SYNE2: variants seen among roughly 807,000 people sequenced by gnomAD.
The protein encoded by SYNE2 is nesprin-2.
Under a neutral mutation model 856.3 loss-of-function variants are expected in SYNE2, and 431 were observed. The ratio of observed to expected loss-of-function variants is 0.50; its 90% confidence interval spans 0.47 to 0.55. The LOEUF is 0.55. Ranked by LOEUF, SYNE2 falls within the 20% of genes least tolerant of loss-of-function variation. The pLI is 0.00. For synonymous variants in SYNE2, 2,923 were observed against 2,872.3 expected (o/e 1.02, Z -0.56); for missense variants, 8,129 against 8,023.2 (o/e 1.01, Z -0.50).
chr14:63,814,701 C>CAT (rs1409876026), intron 1 of SYNE2, among the ~76,000 whole-genome samples: 1,996 of 85,638 alleles, frequency 0.023, 178 homozygotes, highest in Middle Eastern at 0.054. Context: ...TATATATATC[C>CAT]ATATATATCC....
intron 45 of SYNE2, 96 bp downstream of exon 45, chr14:64,031,453 C>A: frequency 1.9e-6 from 2 of 1,073,382 alleles, no homozygotes; most frequent in African/African-American, 1.5e-5. Context: ...ATTCTGATTT[C>A]ATAATTAAAT....
intron 1 of SYNE2, among the ~76,000 whole-genome samples, chr14:63,900,915 C>T (rs1214759591): frequency 6.6e-6 from 1 of 152,152 alleles, no homozygotes; most frequent in Non-Finnish European, 1.5e-5. Context: ...GAAGATCCTT[C>T]CACATTCCTA....
At position 64,052,747 on chromosome 14, in the gene SYNE2, G is replaced by T; in HGVS notation, c.8834G>T (p.Cys2945Phe). ...CNEVEHKIKF[C>F]RQFHEKTSAL... ...GAAGTGGAACACAAGATAAAGTTTT[G>T]CAGACAATTCCATGAAAAAACATCA... The change falls in exon 48 of 116, where the codon TGC becomes TTC. Residue 2945 changes from cysteine (C) to phenylalanine (F), a missense_variant. Physicochemically the swap from Cys to Phe is radical, Grantham distance 205 (BLOSUM62 -2). Transcript: ENST00000555002. The T allele has an allele frequency of 6.2e-7, 1 of 1,612,886 alleles. No homozygotes were observed. The highest frequency in any genetic ancestry group is 8.5e-7 in the Non-Finnish European group (1 of 1,179,400).
chr14:64,071,932 C>T (rs1014788259), intron 52 of SYNE2, among the ~76,000 whole-genome samples: 5 of 152,156 alleles, frequency 3.3e-5, no homozygotes, highest in Admixed American at 6.5e-5. Context: ...GGAAGAGAAT[C>T]ACTTGAACCC....
chr14:63,900,449 G>A (rs919219504), intron 1 of SYNE2, among the ~76,000 whole-genome samples: 22 of 152,112 alleles, frequency 1.4e-4, no homozygotes, highest in African/African-American at 5.1e-4. Flanking sequence ...AGCTTGTGCA[G>A]GAAAACTCCC....
rs551801857 is a variant in SYNE2, at chr14:64,027,678, A to G, written c.6599A>G (p.Lys2200Arg). The change falls in exon 43 of 116, where the codon AAG becomes AGG. Residue 2200 changes from lysine (K) to arginine (R), a missense_variant. Lys to Arg is a conservative substitution (Grantham distance 26). Transcript: ENST00000555002. ...GCCCAAGATTTGACATCCTTGCTAA[A>G]GGAGTTAAAATCTCAGGGAAACTAC... ...KKAQDLTSLLKELKSQGNYLL... is the reference protein window; with the variant it reads ...KKAQDLTSLLRELKSQGNYLL... 163 of 1,614,170 alleles carry G rather than the reference A, an allele frequency of 1.0e-4. 4 individuals are homozygous for G. In the South Asian group the frequency reaches 1.7e-3, roughly 17 times the overall value.
At chr14:63,982,552 C>A in intron 16 of SYNE2, 78 bp from the exon 17 acceptor site, 6 of 1,349,604 alleles carry the variant, frequency 4.4e-6, no homozygotes, top group South Asian at 3.8e-5. Flanking sequence ...AGAAAAAAGC[C>A]TTGGTGAACA....
At chr14:64,017,374 T>C (rs2096901489) in intron 33 of SYNE2, among the ~76,000 whole-genome samples, 1 of 151,038 alleles carries the variant, frequency 6.6e-6, no homozygotes, top group African/African-American at 2.4e-5. Context: ...AGACTATTGA[T>C]TTCAATTGCA....
chr14:63,952,285 T>C (rs1426129182), intron 7 of SYNE2, among the ~76,000 whole-genome samples: 1 of 152,218 alleles, frequency 6.6e-6, no homozygotes, highest in Non-Finnish European at 1.5e-5. Flanking sequence ...AGTGCAGTGC[T>C]GGTTCAACAC....
At chr14:64,042,581 C>G (rs1251953692) in intron 45 of SYNE2, among the ~76,000 whole-genome samples, 1 of 152,132 alleles carries the variant, frequency 6.6e-6, no homozygotes, top group Non-Finnish European at 1.5e-5. Context: ...CTGCCCTGTT[C>G]TCATGATAGT....
Position 64,119,550 on chromosome 14 carries a change from G to C in SYNE2, c.12964G>C (p.Val4322Leu). ...AGCGCTTTCCCTGAAACTGAAAACA[G>C]TGAAGTGCAATTTAGAAAAAGTCCA... ...AEALSLKLKT[V>L]KCNLEKVQMM... Residue 4322 changes from valine (V) to leucine (L), a missense_variant, in exon 67 of 116, where the codon GTG (valine) becomes CTG (leucine). By Grantham distance (32) the Val-to-Leu change is conservative. Coordinates refer to ENST00000555002, the MANE Select transcript of SYNE2 (RefSeq NM_182914.3). 6.2e-7 allele frequency: 1 copy of C among 1,614,214 alleles called. No individual in the cohort carries two copies. The highest frequency in any genetic ancestry group is 2.2e-5 in the East Asian group (1 of 44,878).
chr14:63,947,029 T>C (rs935290127), intron 6 of SYNE2, among the ~76,000 whole-genome samples: 4 of 152,108 alleles, frequency 2.6e-5, no homozygotes, highest in African/African-American at 9.7e-5. Context: ...TTTGTGTTTT[T>C]AGTAGAGATG....
intron 66 of SYNE2, among the ~76,000 whole-genome samples, chr14:64,115,583 C>T (rs1442680759): frequency 1.3e-5 from 2 of 152,130 alleles, no homozygotes; most frequent in African/African-American, 4.8e-5. Flanking sequence ...GCAAAGCAGA[C>T]AGGCTCTAAA....
Position 63,980,667 on chromosome 14 carries a change from A to C in SYNE2, c.1583A>C (p.Glu528Ala). 2 of 1,599,804 alleles carry C rather than the reference A, an allele frequency of 1.3e-6. No individual in the cohort carries two copies. Among genetic ancestry groups the C allele is most frequent in the Non-Finnish European group, 1.7e-6 (2 of 1,167,564 alleles). ...LLEDWHKFIE[E>A]KEFLARLDTS... ...TTTTCTTCCCAGAAATTTATTGAAG[A>C]AAAAGAATTCCTAGCTCGACTTGAT... Residue 528 changes from glutamate (E) to alanine (A), a missense_variant, in exon 15 of 116, where the codon GAA (glutamate) becomes GCA (alanine). Glu to Ala is a moderately radical substitution (Grantham distance 107). Around this residue, in one of 3 missense-constraint regions of SYNE2, gnomAD observed 2,422 missense variants for 2,357.4 expected, o/e 1.03. Transcript: ENST00000555002.
At position 64,126,308 on chromosome 14, in the gene SYNE2, T is replaced by C; in HGVS notation, c.13555-19T>C. On this transcript the variant is annotated intron_variant, in intron 71 of 115. Coordinates refer to ENST00000555002, the MANE Select transcript of SYNE2 (RefSeq NM_182914.3). The stretch of plus-strand genomic sequence containing the variant: ...CAAAGGTATCTTAATTTTCTTTTTC[T>C]TTTTTCCTCTTGATTCAGGAAAATA... 6.2e-7 allele frequency: 1 copy of C among 1,610,662 alleles called. No individual in the cohort carries two copies. Among genetic ancestry groups the C allele is most frequent in the Non-Finnish European group, 8.5e-7 (1 of 1,177,016 alleles).
In SYNE2 at chr14:64,225,611, T is replaced by C. The variant is rs1220244197; in HGVS notation, c.*85T>C. On this transcript the variant is annotated 3_prime_UTR_variant, in exon 116 of 116. Coordinates refer to ENST00000555002, the MANE Select transcript of SYNE2 (RefSeq NM_182914.3). ...TGGCCCCAGACCAATCTGAGTGACT[T>C]AGTGTTGGCAAGGTCCCGGGACCTG... 2.8e-6 allele frequency: 4 copies of C among 1,444,130 alleles called. No homozygotes were observed. The highest frequency in any genetic ancestry group is 2.9e-6 in the Non-Finnish European group (3 of 1,041,342). The allele number at this position is 1,444,130 out of a possible 1,614,324, so 89.5% of individuals were successfully genotyped here. A position where few individuals can be genotyped will look rare whatever the true frequency, so the allele number is the denominator to read the frequency against.
At position 64,049,569 on chromosome 14, in the gene SYNE2, T is replaced by G. The variant is rs1338729778; in HGVS notation, c.7378-42T>G. ...GAAGATGAATGAATTAATGCATAAA[T>G]AAGTGAGTGTTTATTGACTGATCTG... On this transcript the variant is annotated intron_variant, in intron 46 of 115. Coordinates refer to ENST00000555002, the MANE Select transcript of SYNE2 (RefSeq NM_182914.3). 1.9e-6 allele frequency: 3 copies of G among 1,602,154 alleles called. No homozygotes were observed. The African/African-American group carries it at 4.1e-5, about 22-fold the overall frequency.
rs1378831704 is a variant in SYNE2, at chr14:63,995,764, T to G, written c.2940+562T>G. Among the ~76,000 whole-genome samples the G allele has an allele frequency of 7.2e-5, 11 of 151,732 alleles. No homozygotes were observed. The East Asian group carries it at 7.7e-4, about 11-fold the overall frequency. Reference sequence around the variant, plus strand: ...ATCTATCTATCTATCTATCTATCTATCTAGATATATATAAACAGATATAGA... The same window carrying G: ...ATCTATCTATCTATCTATCTATCTAGCTAGATATATATAAACAGATATAGA... On this transcript the variant is annotated intron_variant, in intron 23 of 115. Coordinates refer to ENST00000555002, the MANE Select transcript of SYNE2 (RefSeq NM_182914.3).
At chr14:64,036,895 G>C (rs2097094799) in intron 45 of SYNE2, among the ~76,000 whole-genome samples, 1 of 152,160 alleles carries the variant, frequency 6.6e-6, no homozygotes, top group Admixed American at 6.5e-5. Context: ...AGAGCTTCTA[G>C]TCTAGCTGGG....
Sources: gnomAD v4.1 joint callset for allele counts (sites outside exome capture counted in the v4.1 genomes callset) on GRCh38, gnomAD v4.1.1 for gene constraint, gnomAD v4.1.1 regional missense constraint, MANE v1.5 for transcripts, NCBI Gene and HGNC (gene_info 2026-07-23, HGNC 2026-07-21) for gene names.